Variants in FLI1 observed in about 807,000 individuals in gnomAD.
FLI1 encodes the protein Friend leukemia integration 1 transcription factor.
Under a neutral mutation model 53.1 loss-of-function variants are expected in FLI1, and 13 were observed. The observed-to-expected ratio is 0.24, with a 90% CI of 0.16 to 0.39. The LOEUF (loss-of-function observed/expected upper bound fraction) is 0.39, where lower values mean the gene tolerates loss of function less well. Ranked by LOEUF, FLI1 falls within the 10% of genes least tolerant of loss-of-function variation. The pLI, the probability that FLI1 is intolerant of heterozygous loss-of-function variation, is 1.00. For missense variants in FLI1, 424 were observed against 600.5 expected (o/e 0.71, Z 3.07); for synonymous variants, 244 against 236.7 (o/e 1.03, Z -0.28).
At chr11:128,703,004 C>T (rs937609423) in intron 1 of FLI1, among the ~76,000 whole-genome samples, 3 of 152,028 alleles carry the variant, frequency 2.0e-5, no homozygotes, top group African/African-American at 7.2e-5. Flanking sequence ...AGAAAAGACA[C>T]ACCACTTAAC....
chr11:128,771,317 A>C (rs556844987), intron 3 of FLI1, among the ~76,000 whole-genome samples: 1 of 152,334 alleles, frequency 6.6e-6, no homozygotes, highest in African/African-American at 2.4e-5. Flanking sequence ...CCTTCAGCAC[A>C]ACACAGCAGC....
At chr11:128,746,216 G>T (rs1565479038) in intron 1 of FLI1, among the ~76,000 whole-genome samples, 1 of 152,182 alleles carries the variant, frequency 6.6e-6, no homozygotes, top group Non-Finnish European at 1.5e-5. Context: ...TAGGTGCCAG[G>T]AAGTGTGCCA....
At chr11:128,738,211 C>G (rs540802928) in intron 1 of FLI1, among the ~76,000 whole-genome samples, 6 of 152,282 alleles carry the variant, frequency 3.9e-5, no homozygotes, top group African/African-American at 1.2e-4. Flanking sequence ...AACTCAAGAC[C>G]CGCTACCTGG....
intron 1 of FLI1, among the ~76,000 whole-genome samples, chr11:128,753,230 A>T (rs748563088): frequency 6.6e-5 from 10 of 152,346 alleles, no homozygotes; most frequent in Non-Finnish European, 1.3e-4. Context: ...TTCCTTTTAC[A>T]GAGACAATTG....
intron 3 of FLI1, among the ~76,000 whole-genome samples, chr11:128,770,119 A>C (rs976939617): frequency 1.1e-4 from 16 of 152,236 alleles, no homozygotes; most frequent in Admixed American, 6.5e-4. Context: ...GGAAATGGGC[A>C]GAAGTGGCCA....
chr11:128,798,755 C>T (rs1049158894), intron 5 of FLI1, among the ~76,000 whole-genome samples: 3 of 152,104 alleles, frequency 2.0e-5, no homozygotes, highest in Non-Finnish European at 2.9e-5. Flanking sequence ...TGTAAGACGC[C>T]GCTGAAGTGA....
At chr11:128,782,604 A>G (rs1941950772) in intron 5 of FLI1, among the ~76,000 whole-genome samples, 1 of 152,200 alleles carries the variant, frequency 6.6e-6, no homozygotes, top group Non-Finnish European at 1.5e-5. Context: ...AGGCTGAGAC[A>G]TGAGAATCGC....
chr11:128,799,456 C>T (rs947247471), intron 5 of FLI1, among the ~76,000 whole-genome samples: 5 of 152,040 alleles, frequency 3.3e-5, no homozygotes, highest in African/African-American at 9.7e-5. Flanking sequence ...TCATAGCAAC[C>T]GTAGAAAGCA....
chr11:128,752,792 T>C (rs1390037242), intron 1 of FLI1, among the ~76,000 whole-genome samples: 4 of 152,230 alleles, frequency 2.6e-5, no homozygotes, highest in African/African-American at 9.7e-5. Flanking sequence ...ATAAGTGCTG[T>C]GATTATTACC....
Position 128,708,847 on chromosome 11 carries a change from A to C in FLI1, c.18+14571A>C, listed in dbSNP as rs567464134. On this transcript the variant is annotated intron_variant, in intron 1 of 8. Transcript: ENST00000527786. ...CACCCGCCCCGTCTTTTTATTTGTC[A>C]GGCAAAGTTCAGTCAGCCAATATTC... is the stretch of plus-strand genomic sequence containing the variant. Among the ~76,000 whole-genome samples the C allele has an allele frequency of 1.5e-4, 23 of 152,310 alleles. No homozygotes were observed. In the East Asian group the frequency reaches 4.0e-3, roughly 27 times the overall value.
intron 1 of FLI1, among the ~76,000 whole-genome samples, chr11:128,737,773 C>T (rs114934058): frequency 6.6e-6 from 1 of 152,278 alleles, no homozygotes; most frequent in African/African-American, 2.4e-5. Flanking sequence ...GTTCCAGTTA[C>T]TTTTGTTGTG....
intron 7 of FLI1, among the ~76,000 whole-genome samples, chr11:128,808,557 A>G (rs970946968): frequency 1.3e-5 from 2 of 152,226 alleles, no homozygotes; most frequent in Non-Finnish European, 2.9e-5. Context: ...ATTTCAAATC[A>G]CAGAGTGTTA....
upstream of FLI1, chr11:128,693,919 GAAGA>G (rs1937881571): frequency 1.1e-5 from 3 of 276,876 alleles, no homozygotes. Context: ...AGAGGGGAGA[GAAGA>G]GAGAGGAGAG....
At chr11:128,725,694 G>A (rs1939446859) in intron 1 of FLI1, among the ~76,000 whole-genome samples, 1 of 151,716 alleles carries the variant, frequency 6.6e-6, no homozygotes, top group Non-Finnish European at 1.5e-5. Flanking sequence ...GTGTGTGTGT[G>A]TCTGAGTTGC....
chr11:128,721,908 C>A (rs922436837), intron 1 of FLI1, among the ~76,000 whole-genome samples: 7 of 152,184 alleles, frequency 4.6e-5, no homozygotes, highest in Non-Finnish European at 1.0e-4. Flanking sequence ...GGATCTGCTT[C>A]CCTCCTCTTC....
upstream of FLI1, among the ~76,000 whole-genome samples, chr11:128,685,325 C>G (rs987337237): frequency 6.6e-6 from 1 of 152,214 alleles, no homozygotes; most frequent in African/African-American, 2.4e-5. Context: ...CATCCTGGAG[C>G]TGCCCGGAGT....
At position 128,781,992 on chromosome 11, in the gene FLI1, C is replaced by A. The variant is rs770937644; in HGVS notation, c.624C>A (p.Thr208=). ...SLLAYNTTSH[T]DQSSRLSVKE... is the part of the protein sequence containing the mutation. ...TGGCCTATAATACAACCTCCCACAC[C>A]GACCAATCCTCACGATTGAGTGTCA... The change falls in exon 5 of 9, where the codon ACC becomes ACA. Residue 208 remains threonine, a synonymous_variant. Transcript: ENST00000527786. 1.9e-6 allele frequency: 3 copies of A among 1,613,786 alleles called. No homozygotes were observed. Among genetic ancestry groups the A allele is most frequent in the African/African-American group, 1.3e-5 (1 of 74,912 alleles).
intron 4 of FLI1, among the ~76,000 whole-genome samples, chr11:128,779,307 G>A (rs753521527): frequency 3.3e-5 from 5 of 152,222 alleles, no homozygotes; most frequent in Non-Finnish European, 1.5e-5. Context: ...CAGCCTGAGG[G>A]AGAGAACGTC....
chr11:128,787,426 G>A (rs1301179190), intron 5 of FLI1, among the ~76,000 whole-genome samples: 1 of 152,156 alleles, frequency 6.6e-6, no homozygotes, highest in Non-Finnish European at 1.5e-5. Flanking sequence ...CCTCTAGGCT[G>A]CTTCTGGAAT....
Sources: gnomAD v4.1 joint callset for allele counts (sites outside exome capture counted in the v4.1 genomes callset) on GRCh38, gnomAD v4.1.1 for gene constraint, MANE v1.5 for transcripts, NCBI Gene and HGNC (gene_info 2026-07-23, HGNC 2026-07-21) for gene names.